Variants in TTC19 observed in about 807,000 individuals in gnomAD.
The protein encoded by TTC19 is tetratricopeptide repeat protein 19, mitochondrial.
In TTC19, 38 loss-of-function variants were observed where a neutral mutation model predicts 49.5. The observed-to-expected ratio is 0.77, with a 90% confidence interval of 0.59 to 1.01. The LOEUF (loss-of-function observed/expected upper bound fraction) is 1.01, where lower values mean the gene tolerates loss of function less well. Among genes scored for constraint, TTC19 ranks in the 50% least tolerant of loss-of-function variants. The pLI, the probability that TTC19 is intolerant of heterozygous loss-of-function variation, is 0.00. For synonymous variants in TTC19, 204 were observed against 185.2 expected, an observed-to-expected ratio of 1.10 and a Z score of -0.83; for missense variants, 475 against 477.7, an observed-to-expected ratio of 0.99 and a Z score of 0.05.
Position 15,999,837 on chromosome 17 carries a change from C to G in TTC19, c.-12C>G, listed in dbSNP as rs751788926. The stretch of plus-strand genomic sequence containing the variant: ...CGTCTGGCCTGCAGTGCGCAGAGGA[C>G]GCGGCGGGAGCATGTTCCGGCTCCT... On this transcript the variant is annotated 5_prime_UTR_variant, in exon 1 of 10. Transcript: ENST00000261647. 4 of 1,532,506 alleles carry G rather than the reference C, an allele frequency of 2.6e-6. No homozygotes were observed. Among genetic ancestry groups the G allele is most frequent in the East Asian group, 4.9e-5 (2 of 40,440 alleles). 94.9% of individuals were successfully genotyped at this position (1,532,506 alleles called of 1,614,324 possible).
chr17:16,031,227 A>G, downstream of TTC19: 1 of 199,072 alleles, frequency 5.0e-6, no homozygotes, highest in Non-Finnish European at 1.0e-5. Context: ...ATGGGGAAAA[A>G]GGACTGTGTT....
chr17:16,000,025 G>C lies in TTC19; in HGVS notation c.177G>C (p.Leu59=). 1 of 1,242,482 alleles carries C rather than the reference G, an allele frequency of 8.0e-7. No homozygotes were observed. Among genetic ancestry groups the C allele is most frequent in the Non-Finnish European group, 1.0e-6 (1 of 995,854 alleles). The allele number at this position is 1,242,482 out of a possible 1,614,324, so 77.0% of individuals were successfully genotyped here. ...GCCGGGGCCCAGGCCTGCTGCCGCT[G>C]CTGGCAGGTGAGGGGCGCGGGCCGG... is the stretch of plus-strand genomic sequence containing the variant. ...PHGRGPGLLP[L]LAALAWFSRP... The change falls in exon 1 of 10, where the codon CTG becomes CTC. Residue 59 remains leucine (L), a synonymous_variant. Transcript: ENST00000261647.
chr17:16,044,490 G>A (rs185518380), intron 2 of TTC19: 19 of 477,004 alleles, frequency 4.0e-5, no homozygotes, highest in East Asian at 6.8e-5. Flanking sequence ...AAAGCAGATC[G>A]TCCTTTCCTC....
intron 7 of TTC19, among the ~76,000 whole-genome samples, chr17:16,011,341 C>A (rs527766082): frequency 6.6e-6 from 1 of 152,276 alleles, no homozygotes; most frequent in African/African-American, 2.4e-5. Context: ...CTACCACACC[C>A]GGCTAATTTT....
At chr17:16,019,687 A>T (rs1246312075) in intron 7 of TTC19, among the ~76,000 whole-genome samples, 1 of 152,232 alleles carries the variant, frequency 6.6e-6, no homozygotes, top group Non-Finnish European at 1.5e-5. Context: ...TTGTAGAAAT[A>T]TACCACAGTT....
In TTC19 at chr17:16,027,912, TA is replaced by T. The variant is rs1233393193; in HGVS notation, c.*391del. ...GCTGATTTGCTGCCCTGTCTTCTCT[TA>T]CTTTACTTTATCAATACCTGGCAAA... On this transcript the variant is annotated 3_prime_UTR_variant, in exon 10 of 10. Coordinates refer to ENST00000261647, the MANE Select transcript of TTC19 (RefSeq NM_017775.4). 1 of 457,800 alleles carries T rather than the reference TA, an allele frequency of 2.2e-6. No individual in the cohort carries two copies. Among genetic ancestry groups the T allele is most frequent in the South Asian group, 1.6e-5 (1 of 64,516 alleles). The allele number at this position is 457,800 out of a possible 1,614,324, so 28.4% of individuals were successfully genotyped here.
intron 2 of TTC19, among the ~76,000 whole-genome samples, chr17:16,038,067 A>G (rs578062268): frequency 2.0e-5 from 3 of 152,124 alleles, no homozygotes; most frequent in Non-Finnish European, 4.4e-5. Context: ...GTTAACATGT[A>G]TAGTTTTTTT....
intron 2 of TTC19, chr17:16,034,664 G>A (rs1973753809): frequency 1.9e-6 from 2 of 1,077,476 alleles, no homozygotes; most frequent in Non-Finnish European, 2.7e-6. Flanking sequence ...TGGGAATATA[G>A]GTTTCCAAAT....
chr17:16,002,957 T>C, intron 4 of TTC19, 126 bp downstream of exon 4: 1 of 906,198 alleles, frequency 1.1e-6, no homozygotes, highest in East Asian at 2.5e-5. Context: ...TCAAACAAGA[T>C]AAAAGTGTAT....
At chr17:16,010,283 C>T (rs986837055) in intron 7 of TTC19, among the ~76,000 whole-genome samples, 3 of 148,816 alleles carry the variant, frequency 2.0e-5, no homozygotes, top group Non-Finnish European at 3.0e-5. Context: ...AAGCGGTTCT[C>T]CTGCCTCAGC....
chr17:16,017,988 GA>G (rs564072675), intron 7 of TTC19, among the ~76,000 whole-genome samples: 32 of 152,018 alleles, frequency 2.1e-4, no homozygotes, highest in African/African-American at 7.5e-4. Context: ...TGACTCAGAG[GA>G]AAAAAAATTT....
At chr17:16,036,952 T>C (rs1235484597) in intron 2 of TTC19, among the ~76,000 whole-genome samples, 3 of 151,138 alleles carry the variant, frequency 2.0e-5, no homozygotes, top group Non-Finnish European at 4.4e-5. Flanking sequence ...AGGTCTAGCT[T>C]TCAGCCTGTC....
chr17:16,020,957 G>A (rs950130940), intron 7 of TTC19, among the ~76,000 whole-genome samples: 1 of 152,170 alleles, frequency 6.6e-6, no homozygotes, highest in Non-Finnish European at 1.5e-5. Flanking sequence ...CAAAGTACAG[G>A]ATTGCAGGTG....
At chr17:16,041,694 C>A (rs1172552762) in intron 2 of TTC19, among the ~76,000 whole-genome samples, 3 of 151,796 alleles carry the variant, frequency 2.0e-5, no homozygotes, top group Non-Finnish European at 2.9e-5. Context: ...GGATTACAGG[C>A]ATGGGCCACT....
intron 2 of TTC19, among the ~76,000 whole-genome samples, chr17:16,038,091 ATC>A (rs963050860): frequency 1.6e-4 from 24 of 152,196 alleles, no homozygotes; most frequent in African/African-American, 5.5e-4. Flanking sequence ...AAGACCTCTA[ATC>A]TCTTTAATCT....
In TTC19 at chr17:16,010,030, AT is replaced by A. The variant is rs906905700; in HGVS notation, c.676+3467del. Among the ~76,000 whole-genome samples the A allele has an allele frequency of 3.1e-4, 47 of 151,946 alleles. 1 individual carries two copies. The highest frequency in any genetic ancestry group is 1.1e-3 in the African/African-American group (46 of 41,408). On this transcript the variant is annotated intron_variant, in intron 7 of 9. Transcript: ENST00000261647. ...ATTCTATAATTTTGTACAAATTTAT[AT>A]TTTTCTTTTTAATTTCCAATGTTAT...
chr17:16,023,108 G>A (rs552784493), intron 7 of TTC19, among the ~76,000 whole-genome samples: 4 of 152,164 alleles, frequency 2.6e-5, no homozygotes, highest in Admixed American at 6.5e-5. Flanking sequence ...GTTTTCTTAC[G>A]TTTTCTAAAA....
Position 16,027,482 on chromosome 17 carries a change from CAAAGA to C in TTC19, c.1108_1112del (p.Lys370Ter), listed in dbSNP as rs539447756. On this transcript the variant is annotated frameshift_variant, in exon 10 of 10. Transcript: ENST00000261647. LOFTEE classifies it high-confidence loss of function. ...ATCAGGGAAGAGTTGGCTGAGCTGTCAAAGAAAAGTAGACCTTTGACAAATTCTGT... is the reference window on the plus strand; with the variant it reads ...ATCAGGGAAGAGTTGGCTGAGCTGTCAAAGTAGACCTTTGACAAATTCTGT... The C allele has an allele frequency of 1.6e-4, 266 of 1,613,904 alleles. 4 individuals carry two copies. The South Asian group carries it at 2.5e-3, about 15-fold the overall frequency.
intron 7 of TTC19, chr17:16,024,134 G>A (rs1383491385): frequency 6.6e-6 from 1 of 151,980 alleles, no homozygotes; most frequent in African/African-American, 2.4e-5. Flanking sequence ...CTAGATCTGT[G>A]TCTCCAATTC....
Sources: gnomAD v4.1 joint callset for allele counts (sites outside exome capture counted in the v4.1 genomes callset) on GRCh38, gnomAD v4.1.1 for gene constraint, MANE v1.5 for transcripts, NCBI Gene and HGNC (gene_info 2026-07-23, HGNC 2026-07-21) for gene names.